The following CNTNAP5 variants were observed in gnomAD, a reference collection of about 807,000 sequenced individuals.
CNTNAP5 encodes contactin-associated protein-like 5.
In CNTNAP5, 72 loss-of-function variants were observed where a neutral mutation model predicts 150.2. The observed-to-expected ratio is 0.48, with a 90% CI of 0.40 to 0.58. CNTNAP5 has a LOEUF of 0.58. Among genes scored for constraint, CNTNAP5 ranks in the 20% least tolerant of loss-of-function variants. CNTNAP5 has a pLI of 0.00. For synonymous variants in CNTNAP5, 672 were observed against 619.8 expected (o/e 1.08, Z -1.25); for missense variants, 1,636 against 1,626.2 (o/e 1.01, Z -0.10).
chr2:124,047,245 G>A (rs937289010), intron 1 of CNTNAP5, among the ~76,000 whole-genome samples: 2 of 152,202 alleles, frequency 1.3e-5, no homozygotes, highest in African/African-American at 2.4e-5. Flanking sequence ...TAGAGGCACC[G>A]AAGGGTAGTC....
At chr2:124,715,673 A>G (rs139711979) in intron 13 of CNTNAP5, among the ~76,000 whole-genome samples, 38 of 152,244 alleles carry the variant, frequency 2.5e-4, no homozygotes, top group African/African-American at 6.7e-4. Flanking sequence ...ATTTCCATTT[A>G]TATACCATTG....
At chr2:124,129,414 C>A in intron 1 of CNTNAP5, among the ~76,000 whole-genome samples, 1 of 152,032 alleles carries the variant, frequency 6.6e-6, no homozygotes, top group Non-Finnish European at 1.5e-5. Context: ...AACTGTGTGG[C>A]CAAGATCACA....
chr2:124,555,735 C>T (rs17392162), intron 10 of CNTNAP5, among the ~76,000 whole-genome samples: 1 of 152,130 alleles, frequency 6.6e-6, no homozygotes, highest in African/African-American at 2.4e-5. Context: ...AAAACTCTGT[C>T]ATGTGCAAAA....
At chr2:124,602,162 T>G (rs1399398212) in intron 11 of CNTNAP5, among the ~76,000 whole-genome samples, 1 of 151,432 alleles carries the variant, frequency 6.6e-6, no homozygotes, top group Non-Finnish European at 1.5e-5. Context: ...GGCCAACAGG[T>G]GAAACCTCAT....
chr2:124,585,388 G>T (rs1696504922), intron 11 of CNTNAP5, among the ~76,000 whole-genome samples: 1 of 152,192 alleles, frequency 6.6e-6, no homozygotes, highest in Non-Finnish European at 1.5e-5. Flanking sequence ...GCAAAACAGG[G>T]ATGGGAGTGG....
chr2:124,854,924 G>A (rs750307193), intron 19 of CNTNAP5, among the ~76,000 whole-genome samples: 35 of 152,162 alleles, frequency 2.3e-4, no homozygotes, highest in Non-Finnish European at 4.3e-4. Flanking sequence ...GGAGGAGCTT[G>A]CCAGACATAT....
chr2:124,855,845 T>C (rs1677360101), intron 19 of CNTNAP5, among the ~76,000 whole-genome samples: 1 of 152,148 alleles, frequency 6.6e-6, no homozygotes. Context: ...CAATTTATAG[T>C]CTTTTATCCC....
Position 124,586,400 on chromosome 2 carries a change from C to T in CNTNAP5, c.1756+23077C>T, listed in dbSNP as rs1696538235. On this transcript the variant is annotated intron_variant, in intron 11 of 23. Transcript: ENST00000682447. ...GCATGAGGACAGCTTAGCTACTATC[C>T]AGCGGAGCCAGGAGCGGGTGCTGGC... Among the ~76,000 whole-genome samples the T allele has an allele frequency of 1.3e-5, 2 of 152,162 alleles. 1 individual carries two copies. Among genetic ancestry groups the T allele is most frequent in the South Asian group, 4.1e-4 (2 of 4,826 alleles).
intron 7 of CNTNAP5, among the ~76,000 whole-genome samples, chr2:124,496,785 G>A (rs1187918407): frequency 6.6e-6 from 1 of 152,180 alleles, no homozygotes; most frequent in African/African-American, 2.4e-5. Flanking sequence ...TACGGTAGAG[G>A]AGTCTCAATG....
chr2:124,640,490 C>G (rs929778830), intron 12 of CNTNAP5, among the ~76,000 whole-genome samples: 14 of 152,174 alleles, frequency 9.2e-5, no homozygotes, highest in African/African-American at 3.4e-4. Flanking sequence ...CACCTCCAAA[C>G]AGCTGAAACC....
intron 4 of CNTNAP5, among the ~76,000 whole-genome samples, chr2:124,428,382 A>G (rs1242746600): frequency 6.6e-6 from 1 of 152,168 alleles, no homozygotes; most frequent in East Asian, 1.9e-4. Flanking sequence ...GAGAGCAGGG[A>G]CCTCTGTAGA....
At chr2:124,489,969 T>A (rs1693978587) in intron 7 of CNTNAP5, among the ~76,000 whole-genome samples, 3 of 152,124 alleles carry the variant, frequency 2.0e-5, no homozygotes, top group Non-Finnish European at 4.4e-5. Context: ...GGAAATGTAG[T>A]CATCCAGTTG....
chr2:124,414,800 A>G (rs563277138), intron 3 of CNTNAP5, among the ~76,000 whole-genome samples: 6 of 152,236 alleles, frequency 3.9e-5, no homozygotes, highest in East Asian at 1.9e-4. Context: ...TTGAAGGTGG[A>G]TAAGTTTCTA....
intron 1 of CNTNAP5, among the ~76,000 whole-genome samples, chr2:124,042,968 A>C (rs909585053): frequency 6.6e-6 from 1 of 152,198 alleles, no homozygotes; most frequent in Non-Finnish European, 1.5e-5. Flanking sequence ...TAGAGCTCAA[A>C]GATCAGTTAG....
intron 1 of CNTNAP5, among the ~76,000 whole-genome samples, chr2:124,034,115 G>A (rs1025949490): frequency 2.0e-5 from 3 of 152,178 alleles, no homozygotes; most frequent in Admixed American, 2.0e-4. Flanking sequence ...ATGGGGAGAT[G>A]AAAAAGGACA....
At chr2:124,762,358 T>C (rs1469605159) in intron 14 of CNTNAP5, among the ~76,000 whole-genome samples, 1 of 152,106 alleles carries the variant, frequency 6.6e-6, no homozygotes. Flanking sequence ...AGTTGGATAA[T>C]AAATCTGAAA....
intron 3 of CNTNAP5, among the ~76,000 whole-genome samples, chr2:124,331,237 C>A (rs983804007): frequency 6.6e-6 from 1 of 152,082 alleles, no homozygotes; most frequent in African/African-American, 2.4e-5. Flanking sequence ...GGTTGAATAT[C>A]TGATGGTAGT....
intron 13 of CNTNAP5, among the ~76,000 whole-genome samples, chr2:124,694,994 T>TTGTGTGTGTGTG (rs138349590): frequency 3.7e-4 from 56 of 150,308 alleles, no homozygotes; most frequent in African/African-American, 1.3e-3. Flanking sequence ...ATTTCCTAAA[T>TTGTGTGTGTGTG]TGTGTGTGTG....
intron 1 of CNTNAP5, among the ~76,000 whole-genome samples, chr2:124,054,066 G>A (rs1270663452): frequency 6.6e-6 from 1 of 152,196 alleles, no homozygotes; most frequent in Non-Finnish European, 1.5e-5. Context: ...AGAGCATGTA[G>A]ATTAGACAAG....
Sources: gnomAD v4.1 joint callset for allele counts (sites outside exome capture counted in the v4.1 genomes callset) on GRCh38, gnomAD v4.1.1 for gene constraint, MANE v1.5 for transcripts, NCBI Gene and HGNC (gene_info 2026-07-23, HGNC 2026-07-21) for gene names.